CADPS2: variants seen among roughly 807,000 people sequenced by gnomAD.
CADPS2 encodes the protein calcium-dependent secretion activator 2.
In CADPS2, 93 loss-of-function variants were observed where a neutral mutation model predicts 172.5. The observed-to-expected ratio is 0.54, with a 90% CI of 0.46 to 0.64. The LOEUF (loss-of-function observed/expected upper bound fraction) is 0.64. Among genes scored for constraint, CADPS2 ranks in the 30% least tolerant of loss-of-function variants. The probability of loss-of-function intolerance (pLI) is 0.00; values close to 1 mark genes in which losing one functional copy is unlikely to be tolerated. For synonymous variants in CADPS2, 546 were observed against 555.2 expected (o/e 0.98, Z 0.23); for missense variants, 1,420 against 1,565.9 (o/e 0.91, Z 1.57).
At chr7:122,337,041 C>G (rs1259317694) in intron 28 of CADPS2, among the ~76,000 whole-genome samples, 1 of 152,148 alleles carries the variant, frequency 6.6e-6, no homozygotes, top group Admixed American at 6.5e-5. Flanking sequence ...AATTAGTGTT[C>G]TGGCATAGAC....
Position 122,388,670 on chromosome 7 carries a change from A to G in CADPS2, c.3077T>C (p.Leu1026Pro). ...LDALQMFVFD[L>P]HWPEQEFAHH... ...GGCAAATTCCTGTTCTGGCCAGTGC[A>G]GATCAAAGACAAACATTTGCAGTGC... The change falls in exon 23 of 30, where the codon CTG (leucine) becomes CCG (proline). Residue 1026 changes from leucine to proline, a missense_variant. Physicochemically the swap from Leu to Pro is moderately conservative, Grantham distance 98. Transcript: ENST00000449022. The G allele has an allele frequency of 6.2e-7, 1 of 1,610,946 alleles. No individual in the cohort carries two copies.
At chr7:122,874,389 C>A (rs1205658376) in intron 1 of CADPS2, among the ~76,000 whole-genome samples, 1 of 152,092 alleles carries the variant, frequency 6.6e-6, no homozygotes, top group East Asian at 1.9e-4. Context: ...AGAGAGGACA[C>A]AAACAAATGG....
rs572582937 is a variant in CADPS2, at chr7:122,785,980, T to G, written c.340-48912A>C. Reference sequence around the variant, plus strand: ...AGAAGAAATAAACCACATGCAGATCTTCAAATTATAACTTCTAGTAGTCAT... The same window carrying G: ...AGAAGAAATAAACCACATGCAGATCGTCAAATTATAACTTCTAGTAGTCAT... On this transcript the variant is annotated intron_variant, in intron 1 of 29. Coordinates refer to ENST00000449022, the MANE Select transcript of CADPS2 (RefSeq NM_017954.11). Among the ~76,000 whole-genome samples, 9 of 152,328 alleles carry G rather than the reference T, an allele frequency of 5.9e-5. No individual in the cohort carries two copies. The East Asian group carries it at 1.7e-3, about 29-fold the overall frequency.
chr7:122,489,959 T>G, intron 11 of CADPS2, 122 bp downstream of exon 11: 1 of 806,372 alleles, frequency 1.2e-6, no homozygotes, highest in Non-Finnish European at 1.9e-6. Flanking sequence ...TAATATGAAC[T>G]ATTTTCATTT....
At chr7:122,321,296 A>C (rs1252981371) in intron 29 of CADPS2, among the ~76,000 whole-genome samples, 3 of 152,030 alleles carry the variant, frequency 2.0e-5, no homozygotes, top group Admixed American at 2.0e-4. Context: ...CCTCCTGAGG[A>C]GCTGGGACCA....
chr7:122,656,908 C>T (rs915589277), intron 3 of CADPS2, among the ~76,000 whole-genome samples: 1 of 152,162 alleles, frequency 6.6e-6, no homozygotes, highest in Admixed American at 6.6e-5. Flanking sequence ...AATGGTATTG[C>T]CTAGGTTTTC....
At position 122,572,903 on chromosome 7, in the gene CADPS2, T is replaced by G. The variant is rs529071798; in HGVS notation, c.1335+8276A>C. Among the ~76,000 whole-genome samples the G allele has an allele frequency of 5.3e-5, 8 of 152,098 alleles. No individual in the cohort carries two copies. The South Asian group carries it at 1.0e-3, about 20-fold the overall frequency. On this transcript the variant is annotated intron_variant, in intron 7 of 29. Coordinates refer to ENST00000449022, the MANE Select transcript of CADPS2 (RefSeq NM_017954.11). ...TGGCCATCAATTCGGATGAAAAATCTCCATATGCCACCTCTATTTCCGTAA... is the reference window on the plus strand; with the variant it reads ...TGGCCATCAATTCGGATGAAAAATCGCCATATGCCACCTCTATTTCCGTAA...
At chr7:122,374,527 A>G (rs2151298340) in intron 25 of CADPS2, among the ~76,000 whole-genome samples, 1 of 152,336 alleles carries the variant, frequency 6.6e-6, no homozygotes, top group East Asian at 1.9e-4. Context: ...CATGATCTTA[A>G]TATGTAGAAA....
At position 122,388,702 on chromosome 7, in the gene CADPS2, C is replaced by G; in HGVS notation, c.3045G>C (p.Lys1015Asn). 1 of 1,608,360 alleles carries G rather than the reference C, an allele frequency of 6.2e-7. No homozygotes were observed. Among genetic ancestry groups the G allele is most frequent in the Non-Finnish European group, 8.5e-7 (1 of 1,176,664 alleles). Residue 1015 changes from lysine (K) to asparagine (N), a missense_variant, in exon 23 of 30, where the codon AAG becomes AAC. Coordinates refer to ENST00000449022, the MANE Select transcript of CADPS2 (RefSeq NM_017954.11). Reference protein sequence around the residue: ...GSATSEDLFWKLDALQMFVFD... With the variant: ...GSATSEDLFWNLDALQMFVFD... ...AGACAAACATTTGCAGTGCATCAAGCTTCCAAAAAAGGTCTTCTGATGTTG... is the reference window on the plus strand; with the variant it reads ...AGACAAACATTTGCAGTGCATCAAGGTTCCAAAAAAGGTCTTCTGATGTTG...
At chr7:122,814,230 A>C (rs1220200092) in intron 1 of CADPS2, among the ~76,000 whole-genome samples, 1 of 151,642 alleles carries the variant, frequency 6.6e-6, no homozygotes, top group East Asian at 1.9e-4. Context: ...TAACGTGACT[A>C]GTAAAATCTT....
intron 17 of CADPS2, among the ~76,000 whole-genome samples, chr7:122,428,797 A>G (rs1470684011): frequency 1.3e-5 from 2 of 152,126 alleles, no homozygotes; most frequent in Non-Finnish European, 2.9e-5. Flanking sequence ...AGTATGTGTG[A>G]CAAAATGGGA....
intron 9 of CADPS2, among the ~76,000 whole-genome samples, chr7:122,493,149 T>C (rs1332048342): frequency 2.0e-5 from 3 of 152,072 alleles, no homozygotes; most frequent in Non-Finnish European, 4.4e-5. Context: ...GCAAAACATA[T>C]ATTCAATCAA....
chr7:122,322,675 C>T (rs2032843277), intron 29 of CADPS2, among the ~76,000 whole-genome samples: 1 of 152,218 alleles, frequency 6.6e-6, no homozygotes, highest in African/African-American at 2.4e-5. Context: ...CCCAAAAAAT[C>T]ATTCTAAGGT....
At chr7:122,706,681 A>G (rs188902534) in intron 2 of CADPS2, among the ~76,000 whole-genome samples, 16 of 147,024 alleles carry the variant, frequency 1.1e-4, no homozygotes, top group African/African-American at 3.2e-4. Flanking sequence ...ACATACATAT[A>G]TATATTCTTT....
intron 2 of CADPS2, among the ~76,000 whole-genome samples, chr7:122,707,182 G>A (rs1020912573): frequency 1.3e-5 from 2 of 151,884 alleles, no homozygotes; most frequent in African/African-American, 4.8e-5. Flanking sequence ...AATATGCACT[G>A]TACACAAGGC....
chr7:122,783,172 G>A (rs1439744965), intron 1 of CADPS2, among the ~76,000 whole-genome samples: 7 of 134,926 alleles, frequency 5.2e-5, no homozygotes, highest in African/African-American at 1.1e-4. Context: ...GCCGAGAGGC[G>A]ACAAAGCGAG....
At chr7:122,392,633 T>C (rs1004279287) in intron 22 of CADPS2, among the ~76,000 whole-genome samples, 1 of 152,092 alleles carries the variant, frequency 6.6e-6, no homozygotes, top group Non-Finnish European at 1.5e-5. Context: ...ATAAAGACTA[T>C]TTAAAAATAC....
intron 25 of CADPS2, among the ~76,000 whole-genome samples, chr7:122,370,922 C>A (rs1361532024): frequency 6.6e-6 from 1 of 152,108 alleles, no homozygotes; most frequent in Non-Finnish European, 1.5e-5. Flanking sequence ...GTGGGTCAAC[C>A]TTTCACAAAC....
At chr7:122,455,363 T>G (rs923753375) in intron 14 of CADPS2, among the ~76,000 whole-genome samples, 1 of 152,084 alleles carries the variant, frequency 6.6e-6, no homozygotes, top group African/African-American at 2.4e-5. Flanking sequence ...GAAAGTGTAT[T>G]TCCCATTCCC....
Sources: allele counts gnomAD v4.1 joint callset (sites outside exome capture counted in the v4.1 genomes callset), GRCh38; gene constraint gnomAD v4.1.1; transcripts MANE v1.5; gene names NCBI Gene and HGNC (gene_info 2026-07-23, HGNC 2026-07-21).